Variants in HYAL4 observed in about 807,000 individuals in gnomAD.
HYAL4 encodes hyaluronidase-4.
A neutral mutation model predicts 35.2 loss-of-function variants in HYAL4; 37 were observed. The observed-to-expected ratio is 1.05, with a 90% confidence interval of 0.81 to 1.38. The LOEUF (loss-of-function observed/expected upper bound fraction) is 1.38. Among genes scored for constraint, HYAL4 ranks in the 40% most tolerant of loss-of-function variants. The pLI, the probability that HYAL4 is intolerant of heterozygous loss-of-function variation, is 0.00. For synonymous variants in HYAL4, 198 were observed against 203.2 expected (o/e 0.97, Z 0.22); for missense variants, 572 against 572.4 (o/e 1.00, Z 0.01).
the HYAL4 span, among the ~76,000 whole-genome samples, chr7:123,819,164 TTCTA>T: frequency 6.6e-6 from 1 of 152,204 alleles, no homozygotes; most frequent in Non-Finnish European, 1.5e-5. Context: ...CTTTTTCAGA[TTCTA>T]TCTGAGTGAG....
intron 2 of HYAL4, among the ~76,000 whole-genome samples, chr7:123,866,828 G>A (rs1476426357): frequency 8.4e-6 from 1 of 119,290 alleles, no homozygotes; most frequent in Non-Finnish European, 1.6e-5. Context: ...GTCTCGCTCT[G>A]TTGCCAGGCT....
chr7:123,838,130 C>A (rs560096052), intron 1 of HYAL4, among the ~76,000 whole-genome samples: 14 of 152,080 alleles, frequency 9.2e-5, no homozygotes, highest in Non-Finnish European at 1.8e-4. Context: ...TTTACAGTCC[C>A]GCCAACAGTG....
intron 2 of HYAL4, among the ~76,000 whole-genome samples, chr7:123,854,607 C>G (rs911445785): frequency 6.6e-6 from 1 of 152,098 alleles, no homozygotes; most frequent in Non-Finnish European, 1.5e-5. Context: ...GATTTATGTT[C>G]TTTTGCATTT....
At chr7:123,853,366 G>A (rs1036694698) in intron 2 of HYAL4, among the ~76,000 whole-genome samples, 1 of 152,062 alleles carries the variant, frequency 6.6e-6, no homozygotes, top group Non-Finnish European at 1.5e-5. Flanking sequence ...ATTGGCTGTG[G>A]GTTTGTCATA....
chr7:123,772,182 A>G, the HYAL4 span, among the ~76,000 whole-genome samples: 11 of 152,258 alleles, frequency 7.2e-5, no homozygotes, highest in African/African-American at 2.6e-4. Context: ...TTTTTTATAT[A>G]TAAAAAGGTG....
intron 1 of HYAL4, among the ~76,000 whole-genome samples, chr7:123,835,806 T>A (rs982949352): frequency 6.6e-6 from 1 of 152,230 alleles, no homozygotes; most frequent in African/African-American, 2.4e-5. Flanking sequence ...AAAAATTTTT[T>A]AAATTTCCTT....
chr7:123,838,234 C>G (rs1462869323), intron 1 of HYAL4, among the ~76,000 whole-genome samples: 1 of 145,188 alleles, frequency 6.9e-6, no homozygotes, highest in African/African-American at 2.6e-5. Context: ...GAATTCTTTA[C>G]AGAGCCTTTT....
At chr7:123,787,101 C>G in the HYAL4 span, among the ~76,000 whole-genome samples, 3 of 107,512 alleles carry the variant, frequency 2.8e-5, no homozygotes, top group African/African-American at 1.3e-4. Context: ...GAGCAAAACT[C>G]TGTCTCAAAA....
chr7:123,778,836 T>G, the HYAL4 span, among the ~76,000 whole-genome samples: 1 of 152,212 alleles, frequency 6.6e-6, no homozygotes, highest in Admixed American at 6.5e-5. Context: ...TACCTAAATT[T>G]TTAGCCCAGA....
At chr7:123,777,965 TGA>T in the HYAL4 span, among the ~76,000 whole-genome samples, 1 of 151,924 alleles carries the variant, frequency 6.6e-6, no homozygotes, top group South Asian at 2.1e-4. Flanking sequence ...AATTTATAAT[TGA>T]GAGAAATATT....
intron 3 of HYAL4, among the ~76,000 whole-genome samples, chr7:123,869,815 G>A (rs1037972957): frequency 2.0e-5 from 3 of 151,196 alleles, no homozygotes; most frequent in African/African-American, 7.3e-5. Flanking sequence ...AGCCTCCCAA[G>A]TAGCTGGGTT....
At chr7:123,834,252 G>A (rs1038479943) in intron 1 of HYAL4, among the ~76,000 whole-genome samples, 1 of 152,006 alleles carries the variant, frequency 6.6e-6, no homozygotes, top group African/African-American at 2.4e-5. Flanking sequence ...TGGCATCTAT[G>A]ATTTCTTTCA....
chr7:123,818,679 T>C, the HYAL4 span, among the ~76,000 whole-genome samples: 1 of 152,210 alleles, frequency 6.6e-6, no homozygotes, highest in Non-Finnish European at 1.5e-5. Context: ...ATTGTAAATA[T>C]TTCTCAAATA....
chr7:123,775,622 T>G, the HYAL4 span, among the ~76,000 whole-genome samples: 1 of 152,194 alleles, frequency 6.6e-6, no homozygotes, highest in Non-Finnish European at 1.5e-5. Context: ...GCAGTCCACT[T>G]GTGACAAGGA....
chr7:123,809,342 C>T, the HYAL4 span, among the ~76,000 whole-genome samples: 19 of 151,288 alleles, frequency 1.3e-4, no homozygotes, highest in Admixed American at 8.6e-4. Context: ...AAGTGCACTG[C>T]GTGCACTGCT....
the HYAL4 span, among the ~76,000 whole-genome samples, chr7:123,787,225 CCCTT>C: frequency 6.6e-6 from 1 of 151,996 alleles, no homozygotes; most frequent in African/African-American, 2.4e-5. Context: ...TACTAGAGGG[CCCTT>C]CCTTAGCATT....
intron 2 of HYAL4, among the ~76,000 whole-genome samples, chr7:123,848,724 G>A (rs1398411496): frequency 1.3e-5 from 2 of 152,132 alleles, no homozygotes; most frequent in Admixed American, 1.3e-4. Flanking sequence ...CATCTTTAAT[G>A]AAACATGTTT....
intron 2 of HYAL4, among the ~76,000 whole-genome samples, chr7:123,852,531 C>T (rs1022532247): frequency 5.3e-5 from 8 of 152,072 alleles, no homozygotes; most frequent in Admixed American, 1.3e-4. Flanking sequence ...TCAGGTTTGT[C>T]AAAAATTAGA....
the HYAL4 span, among the ~76,000 whole-genome samples, chr7:123,797,764 C>T: frequency 3.9e-5 from 6 of 152,180 alleles, no homozygotes; most frequent in African/African-American, 1.4e-4. Flanking sequence ...CTAGACTCTG[C>T]TTTAACTCGC....
Sources: allele counts gnomAD v4.1 joint callset (sites outside exome capture counted in the v4.1 genomes callset), GRCh38; gene constraint gnomAD v4.1.1; transcripts MANE v1.5; gene names NCBI Gene and HGNC (gene_info 2026-07-23, HGNC 2026-07-21).